The following FGF13 variants were observed in gnomAD, a reference collection of about 807,000 sequenced individuals.
FGF13 encodes fibroblast growth factor homologous factor 2.
In FGF13, 2 loss-of-function variants were observed where a neutral mutation model predicts 19.5. The ratio of observed to expected loss-of-function variants is 0.10; its 90% CI spans 0.04 to 0.32. The LOEUF (loss-of-function observed/expected upper bound fraction) is 0.32, where lower values mean the gene tolerates loss of function less well. FGF13 is among the 10% of genes least tolerant of loss of function. The probability of loss-of-function intolerance (pLI) is 1.00; values close to 1 mark genes in which losing one functional copy is unlikely to be tolerated. For synonymous variants in FGF13, 72 were observed against 76.9 expected, an observed-to-expected ratio of 0.94 and a Z score of 0.33; for missense variants, 113 against 192.7, an observed-to-expected ratio of 0.59 and a Z score of 2.45.
intron 3 of FGF13, among the ~76,000 whole-genome samples, chrX:138,770,087 C>G (rs1163879379): frequency 8.9e-6 from 1 of 112,130 alleles, no homozygotes; most frequent in Non-Finnish European, 1.9e-5. Context: ...CTCTTGAGAT[C>G]TATAACACAC....
At chrX:138,802,569 C>T (rs2090837515) in intron 3 of FGF13, among the ~76,000 whole-genome samples, 1 of 111,834 alleles carries the variant, frequency 8.9e-6, no homozygotes, top group Non-Finnish European at 1.9e-5. Flanking sequence ...AAAAGGAACA[C>T]TTCCTTGAAT....
chrX:139,152,625 T>C (rs1237009992), intron 1 of FGF13, among the ~76,000 whole-genome samples: 1 of 111,118 alleles, frequency 9.0e-6, no homozygotes, highest in Admixed American at 9.6e-5. Context: ...CCAGTCTGAA[T>C]GCCTACTCCA....
chrX:139,003,914 A>G lies in FGF13; in HGVS notation c.-112-139264T>C, dbSNP rs1005157500. ...TGTGTTTACAATCCCTGAGCTAGACATAAAGACTCTCCACGTCCCCACCAG... is the reference window on the plus strand; with the variant it reads ...TGTGTTTACAATCCCTGAGCTAGACGTAAAGACTCTCCACGTCCCCACCAG... On this transcript the variant is annotated intron_variant, in intron 1 of 2. Transcript: ENST00000421460. Among the ~76,000 whole-genome samples, 6 of 112,804 alleles carry G rather than the reference A, an allele frequency of 5.3e-5. No homozygotes were observed. The South Asian group carries it at 2.2e-3, about 41-fold the overall frequency.
At chrX:138,757,135 G>T (rs1424258974) in intron 3 of FGF13, among the ~76,000 whole-genome samples, 2 of 110,515 alleles carry the variant, frequency 1.8e-5, no homozygotes, top group African/African-American at 6.6e-5. Context: ...TACTGGCTTG[G>T]TACCTAATCC....
intron 1 of FGF13, among the ~76,000 whole-genome samples, chrX:139,056,543 G>A (rs180870408): frequency 8.9e-6 from 1 of 112,522 alleles, no homozygotes; most frequent in Non-Finnish European, 1.9e-5. Context: ...CTTTCAACTC[G>A]AAAGACTGTG....
At chrX:138,900,476 C>T (rs749481734) in intron 1 of FGF13, among the ~76,000 whole-genome samples, 18 of 111,028 alleles carry the variant, frequency 1.6e-4, no homozygotes, top group African/African-American at 4.9e-4. Flanking sequence ...CAGCAGTTCC[C>T]ATGAGCTCTA....
chrX:138,876,431 T>A (rs1422538171), intron 1 of FGF13, among the ~76,000 whole-genome samples: 1 of 112,409 alleles, frequency 8.9e-6, no homozygotes, highest in Non-Finnish European at 1.9e-5. Context: ...CTTAATCAAG[T>A]GAAAGCATTA....
In FGF13 at chrX:138,962,800, A is replaced by C. The variant is rs369789729; in HGVS notation, c.-112-98150T>G. ...TCATAGGTGGGAATTGAACAATGAG[A>C]ACACTTGGACACAGGGTGGGGAACA... On this transcript the variant is annotated intron_variant, in intron 1 of 2. Coordinates refer to the FGF13 transcript ENST00000421460. Among the ~76,000 whole-genome samples the C allele has an allele frequency of 3.6e-5, 4 of 111,460 alleles. No individual in the cohort carries two copies. The East Asian group carries it at 1.1e-3, about 32-fold the overall frequency.
chrX:138,961,199 G>A (rs1405119443), intron 1 of FGF13, among the ~76,000 whole-genome samples: 1 of 111,427 alleles, frequency 9.0e-6, no homozygotes, highest in Non-Finnish European at 1.9e-5. Flanking sequence ...GTTTTGGTGT[G>A]GATGTACTTT....
At chrX:139,113,567 ATGT>A (rs2083618785) in intron 1 of FGF13, among the ~76,000 whole-genome samples, 1 of 112,570 alleles carries the variant, frequency 8.9e-6, no homozygotes, top group Non-Finnish European at 1.9e-5. Context: ...TCAATCACAA[ATGT>A]TGTTATTTCA....
chrX:138,875,995 TACACACACACACACACACAC>T (rs749175408), intron 1 of FGF13, among the ~76,000 whole-genome samples: 1 of 98,064 alleles, frequency 1.0e-5, no homozygotes, highest in African/African-American at 3.7e-5. Context: ...TATCGGCTTG[TACACACACACACACACACAC>T]ACACACACAC....
intron 1 of FGF13, among the ~76,000 whole-genome samples, chrX:139,017,352 TAC>T (rs756188106): frequency 1.2e-4 from 13 of 107,397 alleles, no homozygotes; most frequent in South Asian, 4.0e-4. Flanking sequence ...TATATATATA[TAC>T]ACACACACAC....
intron 1 of FGF13, among the ~76,000 whole-genome samples, chrX:139,032,649 A>G (rs1359245399): frequency 9.0e-6 from 1 of 111,021 alleles, no homozygotes; most frequent in African/African-American, 3.3e-5. Flanking sequence ...AAAGGTAGGA[A>G]GAAGGAAGGC....
At chrX:139,120,647 A>G (rs1434845834) in intron 1 of FGF13, among the ~76,000 whole-genome samples, 3 of 112,351 alleles carry the variant, frequency 2.7e-5, no homozygotes, top group Non-Finnish European at 5.6e-5. Context: ...TTTGAGCCCA[A>G]GGAAAAGTAT....
At chrX:138,821,189 T>C (rs1215592289) in intron 3 of FGF13, among the ~76,000 whole-genome samples, 8 of 111,272 alleles carry the variant, frequency 7.2e-5, no homozygotes, top group African/African-American at 2.6e-4. Flanking sequence ...TCTTAGGCTT[T>C]ATTAGTGAAG....
At chrX:138,993,143 A>C (rs1298279053) in intron 1 of FGF13, among the ~76,000 whole-genome samples, 1 of 112,244 alleles carries the variant, frequency 8.9e-6, no homozygotes, top group Non-Finnish European at 1.9e-5. Context: ...AAGACAAGAA[A>C]AGACAGAACT....
chrX:139,004,110 G>A (rs1036499970), intron 1 of FGF13, among the ~76,000 whole-genome samples: 4 of 112,755 alleles, frequency 3.5e-5, no homozygotes, highest in Non-Finnish European at 5.6e-5. Context: ...GGCAGCACAG[G>A]AGCCCATGGA....
At chrX:139,198,549 A>C (rs1233562640) in intron 1 of FGF13, among the ~76,000 whole-genome samples, 1 of 112,165 alleles carries the variant, frequency 8.9e-6, no homozygotes, top group Non-Finnish European at 1.9e-5. Context: ...ATCAATGCTA[A>C]AAGTAATTTC....
intron 1 of FGF13, among the ~76,000 whole-genome samples, chrX:139,093,600 C>A (rs888176184): frequency 2.7e-5 from 3 of 111,461 alleles, no homozygotes; most frequent in Non-Finnish European, 5.7e-5. Context: ...GATGTGATCC[C>A]AGAATCTACA....
Sources: gnomAD v4.1 joint callset for allele counts (sites outside exome capture counted in the v4.1 genomes callset) on GRCh38, gnomAD v4.1.1 for gene constraint, MANE v1.5 for transcripts, NCBI Gene and HGNC (gene_info 2026-07-23, HGNC 2026-07-21) for gene names.